PDS5A: variants seen among roughly 807,000 people sequenced by gnomAD.
The protein encoded by PDS5A is PDS5 cohesin associated factor A.
A neutral mutation model predicts 167.1 loss-of-function variants in PDS5A; 42 were observed. The ratio of observed to expected loss-of-function variants is 0.25; its 90% CI spans 0.20 to 0.33. PDS5A has a LOEUF of 0.33. Among genes scored for constraint, PDS5A ranks in the 10% least tolerant of loss-of-function variants. The pLI, the probability that PDS5A is intolerant of heterozygous loss-of-function variation, is 1.00. For missense variants in PDS5A, 1,033 were observed against 1,605.9 expected (o/e 0.64, Z 6.10); for synonymous variants, 553 against 554.6 (o/e 1.00, Z 0.04).
intron 17 of PDS5A, among the ~76,000 whole-genome samples, chr4:39,888,105 T>G (rs1449616026): frequency 6.6e-6 from 1 of 151,832 alleles, no homozygotes; most frequent in African/African-American, 2.4e-5. Context: ...AAAAATTAGC[T>G]GGGCATGGTG....
chr4:39,836,426 G>A (rs767128437), intron 32 of PDS5A, among the ~76,000 whole-genome samples: 8 of 151,950 alleles, frequency 5.3e-5, no homozygotes, highest in East Asian at 1.9e-4. Flanking sequence ...TCAGAATTCC[G>A]TAAATGCTAA....
At position 39,863,471 on chromosome 4, in the gene PDS5A, CA is replaced by C; in HGVS notation, c.2643-13del. On this transcript the variant is annotated splice_polypyrimidine_tract_variant and intron_variant, in intron 23 of 32. Coordinates refer to ENST00000303538, the MANE Select transcript of PDS5A (RefSeq NM_001100399.2). ...ACATATCAGATTTACTATAAACAAA[CA>C]AAAAAGAAATAAACATTTCCTATAA... 1.9e-6 allele frequency: 3 copies of C among 1,570,578 alleles called. No homozygotes were observed. The highest frequency in any genetic ancestry group is 2.6e-6 in the Non-Finnish European group (3 of 1,160,076).
intron 2 of PDS5A, among the ~76,000 whole-genome samples, chr4:39,952,281 A>G (rs534468732): frequency 2.6e-5 from 4 of 152,334 alleles, no homozygotes; most frequent in South Asian, 2.1e-4. Flanking sequence ...CAGTGAGCTG[A>G]TATCATGCCA....
chr4:39,913,196 C>T (rs1193954872), intron 9 of PDS5A, among the ~76,000 whole-genome samples: 4 of 151,964 alleles, frequency 2.6e-5, no homozygotes, highest in South Asian at 4.2e-4. Flanking sequence ...AGGATTCTCC[C>T]GCCTCAGCCT....
chr4:39,961,070 A>G (rs1479899592), intron 2 of PDS5A, among the ~76,000 whole-genome samples: 1 of 152,056 alleles, frequency 6.6e-6, no homozygotes, highest in East Asian at 1.9e-4. Flanking sequence ...CGCTCTCCCA[A>G]AGTGCTGTGA....
chr4:39,854,631 CT>C (rs1404520807), intron 26 of PDS5A, among the ~76,000 whole-genome samples: 2 of 152,122 alleles, frequency 1.3e-5, no homozygotes, highest in Non-Finnish European at 2.9e-5. Flanking sequence ...ATTCTAGGTA[CT>C]CCCACAATAG....
At chr4:39,914,643 T>G (rs1724193090) in intron 8 of PDS5A, among the ~76,000 whole-genome samples, 1 of 152,246 alleles carries the variant, frequency 6.6e-6, no homozygotes. Context: ...TTTCTTATCC[T>G]GAAACAGTAT....
chr4:39,961,246 T>C (rs1362917180), intron 2 of PDS5A, among the ~76,000 whole-genome samples: 1 of 152,142 alleles, frequency 6.6e-6, no homozygotes, highest in Non-Finnish European at 1.5e-5. Flanking sequence ...CTCCATTAAT[T>C]TTATCTTTCT....
intron 17 of PDS5A, among the ~76,000 whole-genome samples, chr4:39,886,632 G>T (rs1021297843): frequency 6.6e-6 from 1 of 151,620 alleles, no homozygotes; most frequent in African/African-American, 2.4e-5. Flanking sequence ...AGAATTGCTC[G>T]AACACAGGAG....
chr4:39,831,226 G>C (rs1715834706), intron 32 of PDS5A, among the ~76,000 whole-genome samples: 1 of 152,194 alleles, frequency 6.6e-6, no homozygotes, highest in Non-Finnish European at 1.5e-5. Context: ...AGCCTACTGA[G>C]TAGCTGGGAC....
intron 32 of PDS5A, among the ~76,000 whole-genome samples, chr4:39,833,657 T>C (rs1273820019): frequency 1.3e-5 from 2 of 152,132 alleles, no homozygotes; most frequent in Admixed American, 6.6e-5. Context: ...CCCAAAGTGG[T>C]AGGATTATAG....
At chr4:39,973,125 A>G in intron 2 of PDS5A, 1 of 845,630 alleles carries the variant, frequency 1.2e-6, no homozygotes, top group Non-Finnish European at 2.1e-6. Context: ...TCTCTGATCA[A>G]TTTTAAACAG....
chr4:39,919,259 A>G (rs1443950870), intron 7 of PDS5A, among the ~76,000 whole-genome samples: 1 of 152,246 alleles, frequency 6.6e-6, no homozygotes, highest in African/African-American at 2.4e-5. Flanking sequence ...ATCTATGACA[A>G]TAAGGAAATA....
rs567269441 is a variant in PDS5A at position 39,842,375 on chromosome 4, T to C, written c.3549-319A>G. ...CACTGTAAGCTTTATCTTTTGGGAATAGAAAATCCTAAAACAAAAATAAAA... is the reference window on the plus strand; with the variant it reads ...CACTGTAAGCTTTATCTTTTGGGAACAGAAAATCCTAAAACAAAAATAAAA... On this transcript the variant is annotated intron_variant, in intron 30 of 32. Transcript: ENST00000303538. Among the ~76,000 whole-genome samples the C allele has an allele frequency of 2.2e-4, 33 of 152,282 alleles. 1 individual carries two copies. The highest frequency in any genetic ancestry group is 3.4e-3 in the Middle Eastern group (1 of 294).
intron 19 of PDS5A, among the ~76,000 whole-genome samples, chr4:39,876,033 T>C (rs987616161): frequency 6.6e-6 from 1 of 152,106 alleles, no homozygotes; most frequent in African/African-American, 2.4e-5. Context: ...ATTGGTCTTA[T>C]GAATAAGGTA....
At chr4:39,970,137 A>C (rs1036789176) in intron 2 of PDS5A, among the ~76,000 whole-genome samples, 1 of 151,906 alleles carries the variant, frequency 6.6e-6, no homozygotes, top group African/African-American at 2.4e-5. Context: ...GGCGTGAGCC[A>C]CCGCGCCCAG....
intron 5 of PDS5A, among the ~76,000 whole-genome samples, chr4:39,925,153 A>G (rs967801641): frequency 6.6e-6 from 1 of 152,046 alleles, no homozygotes; most frequent in African/African-American, 2.4e-5. Flanking sequence ...ATAAAACAAT[A>G]ACAACAAAAC....
At chr4:39,858,035 G>C (rs1244629486) in intron 26 of PDS5A, among the ~76,000 whole-genome samples, 1 of 151,622 alleles carries the variant, frequency 6.6e-6, no homozygotes, top group Non-Finnish European at 1.5e-5. Context: ...GAAAACTACA[G>C]AACAGTGCTG....
chr4:39,826,184 GTT>G (rs34109809), intron 32 of PDS5A, among the ~76,000 whole-genome samples: 39,629 of 142,744 alleles, frequency 0.28, 5,652 homozygotes, highest in East Asian at 0.42. Flanking sequence ...AAACTGGCGT[GTT>G]TTTTTTTTTT....
Sources: gnomAD v4.1 joint callset for allele counts (sites outside exome capture counted in the v4.1 genomes callset) on GRCh38, gnomAD v4.1.1 for gene constraint, MANE v1.5 for transcripts, NCBI Gene and HGNC (gene_info 2026-07-23, HGNC 2026-07-21) for gene names.